Variants in TTC16 observed in about 807,000 individuals in gnomAD.
TTC16 encodes tetratricopeptide repeat protein 16.
TTC16 carries 66 observed loss-of-function variants against 80.4 expected under a neutral mutation model. The observed-to-expected ratio is 0.82, with a 90% confidence interval of 0.67 to 1.01. TTC16 has a LOEUF of 1.01. TTC16 is among the 50% of genes least tolerant of loss of function. The pLI, the probability that TTC16 is intolerant of heterozygous loss-of-function variation, is 0.00. For synonymous variants in TTC16, 438 were observed against 451.3 expected, an observed-to-expected ratio of 0.97 and a Z score of 0.37; for missense variants, 1,070 against 1,103.2, an observed-to-expected ratio of 0.97 and a Z score of 0.43.
At chr9:127,723,945 G>C (rs1454506141) in intron 7 of TTC16, among the ~76,000 whole-genome samples, 175 bp from the exon 8 acceptor site, 1 of 151,014 alleles carries the variant, frequency 6.6e-6, no homozygotes, top group African/African-American at 2.4e-5. Flanking sequence ...GGTTATCTGA[G>C]TAGCAGTCCA....
intron 6 of TTC16, among the ~76,000 whole-genome samples, chr9:127,720,959 C>T (rs1468150962): frequency 1.9e-5 from 1 of 52,224 alleles, no homozygotes; most frequent in Non-Finnish European, 3.9e-5. Flanking sequence ...TCCTCTTCTT[C>T]TTTCTCCTCT....
intron 13 of TTC16, chr9:127,730,211 G>A (rs918232862): frequency 1.3e-5 from 3 of 237,970 alleles, no homozygotes; most frequent in African/African-American, 6.7e-5. Flanking sequence ...ACAGGAAGAA[G>A]GCTCCCAGGT....
At position 127,717,705 on chromosome 9, in the gene TTC16, G is replaced by C. The variant is rs1318914605; in HGVS notation, c.359G>C (p.Arg120Thr). ...DFSSAAQNLR[R>T]AYSLQQDNCK... ...TCCTCGGCCGCCCAGAACCTGCGAA[G>C]GGCCTACTCATTACAGCAGGACAAC... Residue 120 changes from arginine (R) to threonine (T), a missense_variant, in exon 4 of 14, where the codon AGG (arginine) becomes ACG (threonine). Coordinates refer to ENST00000373289, the MANE Select transcript of TTC16 (RefSeq NM_144965.3). 1.2e-6 allele frequency: 2 copies of C among 1,613,996 alleles called. No individual in the cohort carries two copies. Among genetic ancestry groups the C allele is most frequent in the Non-Finnish European group, 1.7e-6 (2 of 1,180,026 alleles).
In TTC16 at chr9:127,716,133, T is replaced by A. The variant is rs1390142651; in HGVS notation, c.-13T>A. The A allele has an allele frequency of 8.1e-6, 13 of 1,613,836 alleles. No homozygotes were observed. Among genetic ancestry groups the A allele is most frequent in the Non-Finnish European group, 1.1e-5 (13 of 1,179,998 alleles). On this transcript the variant is annotated 5_prime_UTR_variant, in exon 1 of 14. Coordinates refer to ENST00000373289, the MANE Select transcript of TTC16 (RefSeq NM_144965.3). ...GTTGGCAGAGGCCTCGGGGTCCTCC[T>A]GGAAGGGGCCTCATGACAGATTCGG...
rs1843715590 is a variant in TTC16, at chr9:127,724,114, C to CT, written c.873-6_873-5insT. The CT allele has an allele frequency of 1.9e-6, 3 of 1,600,140 alleles. No individual in the cohort carries two copies. The highest frequency in any genetic ancestry group is 2.2e-5 in the East Asian group (1 of 44,670). On this transcript the variant is annotated splice_polypyrimidine_tract_variant and splice_region_variant and intron_variant, in intron 7 of 13. Coordinates refer to ENST00000373289, the MANE Select transcript of TTC16 (RefSeq NM_144965.3). Reference sequence around the variant, plus strand: ...CTCCTGCCGTCTCCCACGCCCCCCCCGACAGGGGCACCATGTACCGACGGC... The same window carrying CT: ...CTCCTGCCGTCTCCCACGCCCCCCCCTGACAGGGGCACCATGTACCGACGGC...
chr9:127,730,552 G>A, intron 13 of TTC16, 84 bp from the exon 14 acceptor site: 1 of 1,538,652 alleles, frequency 6.5e-7, no homozygotes, highest in East Asian at 2.3e-5. Flanking sequence ...ACAGGCCAGT[G>A]TGAGATTGGG....
At position 127,717,678 on chromosome 9, in the gene TTC16, TCTC is replaced by T. The variant is rs776963987; in HGVS notation, c.336_338del (p.Ser113del). 203 of 1,613,832 alleles carry T rather than the reference TCTC, an allele frequency of 1.3e-4. No individual in the cohort carries two copies. The highest frequency in any genetic ancestry group is 1.6e-4 in the Non-Finnish European group (191 of 1,180,000). On this transcript the variant is annotated inframe_deletion, in exon 4 of 14. Coordinates refer to ENST00000373289, the MANE Select transcript of TTC16 (RefSeq NM_144965.3). Reference sequence around the variant, plus strand: ...GAGGCCTACCTCCAGCTCTGTGACTTCTCCTCGGCCGCCCAGAACCTGCGAAGG... The same window carrying T: ...GAGGCCTACCTCCAGCTCTGTGACTTCTCGGCCGCCCAGAACCTGCGAAGG...
In TTC16 at chr9:127,724,856, C is replaced by G. The variant is rs1588445387; in HGVS notation, c.1218C>G (p.Gly406=). Residue 406 remains glycine, a synonymous_variant, in exon 9 of 14, where the codon GGC becomes GGG. Coordinates refer to ENST00000373289, the MANE Select transcript of TTC16 (RefSeq NM_144965.3). ...ACGAGGGCGCCAACACGCGCATGGGCCTGCTGCAGGAGAAGATGGGCTTCT... is the reference window on the plus strand; with the variant it reads ...ACGAGGGCGCCAACACGCGCATGGGGCTGCTGCAGGAGAAGATGGGCTTCT... ...PQDEGANTRM[G]LLQEKMGFCE... is the part of the protein sequence containing the mutation. 2 of 1,584,304 alleles carry G rather than the reference C, an allele frequency of 1.3e-6. 1 individual carries two copies. Among genetic ancestry groups the G allele is most frequent in the South Asian group, 2.3e-5 (2 of 87,742 alleles).
At chr9:127,726,167 G>A (rs1185876471) in intron 9 of TTC16, 72 bp from the exon 10 acceptor site, 6 of 1,398,360 alleles carry the variant, frequency 4.3e-6, no homozygotes, top group Non-Finnish European at 5.7e-6. Flanking sequence ...CTCCTCAGTG[G>A]GGCCCAGTAG....
intron 4 of TTC16, among the ~76,000 whole-genome samples, chr9:127,719,358 T>A (rs1431083062): frequency 6.6e-6 from 1 of 152,218 alleles, no homozygotes; most frequent in African/African-American, 2.4e-5. Flanking sequence ...CCTCAGTTCC[T>A]TTATCCATAA....
chr9:127,716,709 G>A (rs1454457624), intron 1 of TTC16, 135 bp from the exon 2 acceptor site: 16 of 1,202,934 alleles, frequency 1.3e-5, no homozygotes, highest in Admixed American at 2.8e-5. Flanking sequence ...GAGCGCCACC[G>A]GAACCCCGAG....
At chr9:127,724,563 C>T (rs752126556) in intron 8 of TTC16, 193 bp from the exon 9 acceptor site, 5 of 1,083,378 alleles carry the variant, frequency 4.6e-6, no homozygotes, top group Non-Finnish European at 6.5e-6. Context: ...TGGCTCCAGA[C>T]TCCTTAAAAT....
At position 127,722,984 on chromosome 9, in the gene TTC16, C is replaced by T; in HGVS notation, c.658-135C>T. ...ATCCATCTCAAAAAAAAAAAAAAAG[C>T]AGAAAGGGTGGAACATGGAGGGATG... On this transcript the variant is annotated intron_variant, in intron 6 of 13. Coordinates refer to ENST00000373289, the MANE Select transcript of TTC16 (RefSeq NM_144965.3). This position sits in a 1 kb window ranked among gnomAD's most constrained non-coding sequence, Gnocchi z 4.2. The T allele has an allele frequency of 1.3e-6, 1 of 782,768 alleles. No individual in the cohort carries two copies. Among genetic ancestry groups the T allele is most frequent in the South Asian group, 1.9e-5 (1 of 53,774 alleles). 48.5% of individuals were successfully genotyped at this position (782,768 alleles called of 1,614,324 possible).
intron 2 of TTC16, 131 bp from the exon 3 acceptor site, chr9:127,717,203 C>A: frequency 8.5e-7 from 1 of 1,176,080 alleles, no homozygotes; most frequent in Non-Finnish European, 1.2e-6. Flanking sequence ...CCTGCCCTCC[C>A]TGGGCTTCTG....
Position 127,716,975 on chromosome 9 carries a change from A to G in TTC16, c.150A>G (p.Pro50=), listed in dbSNP as rs1185222933. The G allele has an allele frequency of 1.9e-6, 3 of 1,614,028 alleles. No homozygotes were observed. Among genetic ancestry groups the G allele is most frequent in the African/African-American group, 2.7e-5 (2 of 74,924 alleles). The change falls in exon 2 of 14, where the codon CCA becomes CCG. Residue 50 remains proline, a synonymous_variant. Transcript: ENST00000373289. ...HVFQSICDVK[P]KVTGLTVPLK... ...TCCAAAGCATCTGTGATGTAAAACC[A>G]AAGGTCACAGGGTTAACAGTGCCCC... is the stretch of plus-strand genomic sequence containing the variant.
rs751581646 is a variant in TTC16, at chr9:127,723,338, T to C, written c.872+5T>C. 51 of 1,610,896 alleles carry C rather than the reference T, an allele frequency of 3.2e-5. No homozygotes were observed. The highest frequency in any genetic ancestry group is 4.1e-5 in the Non-Finnish European group (48 of 1,178,508). ...CCCCAGTCTCTTCCTCTTCCGGTAC[T>C]GCATGGGAAGGTGCTGGCCTTGGGT... On this transcript the variant is annotated splice_donor_5th_base_variant and intron_variant, in intron 7 of 13. Transcript: ENST00000373289.
chr9:127,717,683 T>A lies in TTC16; in HGVS notation c.337T>A (p.Ser113Thr), dbSNP rs139823082. ...CTACCTCCAGCTCTGTGACTTCTCC[T>A]CGGCCGCCCAGAACCTGCGAAGGGC... is the stretch of plus-strand genomic sequence containing the variant. ...EAYLQLCDFS[S>T]AAQNLRRAYS... Residue 113 changes from serine to threonine, a missense_variant, in exon 4 of 14, where the codon TCG becomes ACG. Ser to Thr is a moderately conservative substitution (Grantham distance 58). Coordinates refer to ENST00000373289, the MANE Select transcript of TTC16 (RefSeq NM_144965.3). 1.9e-6 allele frequency: 3 copies of A among 1,613,858 alleles called. No individual in the cohort carries two copies. The African/African-American group carries it at 4.0e-5, about 22-fold the overall frequency.
intron 6 of TTC16, among the ~76,000 whole-genome samples, chr9:127,721,009 A>C (rs1843469228): frequency 7.3e-6 from 1 of 136,200 alleles, no homozygotes; most frequent in Admixed American, 7.6e-5. Context: ...TGCCTCAATG[A>C]ATCATCCCTA....
At chr9:127,717,843 G>A in intron 4 of TTC16, 71 bp downstream of exon 4, 1 of 1,533,026 alleles carries the variant, frequency 6.5e-7, no homozygotes, top group Non-Finnish European at 8.7e-7. Context: ...TGGCTCCTGG[G>A]CCCAGCTCTG....
Sources: gnomAD v4.1 joint callset for allele counts (sites outside exome capture counted in the v4.1 genomes callset) on GRCh38, gnomAD v4.1.1 for gene constraint, Gnocchi (gnomAD v3.1) non-coding constraint, MANE v1.5 for transcripts, NCBI Gene and HGNC (gene_info 2026-07-23, HGNC 2026-07-21) for gene names.